PACRG: variants seen among roughly 807,000 people sequenced by gnomAD.
PACRG encodes the protein parkin coregulated, also known as parkin coregulated gene protein.
Under a neutral mutation model 29.7 loss-of-function variants are expected in PACRG, and 29 were observed. That is an observed-to-expected ratio of 0.98 (90% CI 0.73 to 1.33). The LOEUF (loss-of-function observed/expected upper bound fraction) is 1.33. Ranked by LOEUF, PACRG falls within the 40% of genes most tolerant of loss-of-function variation. The probability of loss-of-function intolerance (pLI) is 0.00; values close to 1 mark genes in which losing one functional copy is unlikely to be tolerated. For synonymous variants in PACRG, 116 were observed against 118.7 expected, an observed-to-expected ratio of 0.98 and a Z score of 0.15; for missense variants, 279 against 316.2, an observed-to-expected ratio of 0.88 and a Z score of 0.89.
chr6:163,238,382 T>G (rs901506511), intron 4 of PACRG, among the ~76,000 whole-genome samples: 10 of 152,230 alleles, frequency 6.6e-5, no homozygotes, highest in Non-Finnish European at 1.3e-4. Flanking sequence ...GCACTTCTTT[T>G]ATAAGGATAA....
chr6:163,142,875 A>G (rs1777607356), intron 4 of PACRG, among the ~76,000 whole-genome samples: 1 of 152,176 alleles, frequency 6.6e-6, no homozygotes, highest in Admixed American at 6.5e-5. Context: ...TCTACAAAAT[A>G]CCAGGCCAGT....
At chr6:162,966,677 C>A (rs761610812) in intron 2 of PACRG, among the ~76,000 whole-genome samples, 2 of 152,006 alleles carry the variant, frequency 1.3e-5, no homozygotes, top group African/African-American at 4.8e-5. Flanking sequence ...GAGGTTTCAC[C>A]GTGTTAGCCA....
intron 4 of PACRG, chr6:163,310,823 G>A (rs1403710486): frequency 1.3e-5 from 2 of 152,218 alleles, no homozygotes; most frequent in Non-Finnish European, 2.9e-5. Context: ...AAATGTAAAT[G>A]TGTCAGGTGC....
At chr6:162,998,993 A>G (rs1423826237) in intron 2 of PACRG, among the ~76,000 whole-genome samples, 1 of 152,184 alleles carries the variant, frequency 6.6e-6, no homozygotes, top group Non-Finnish European at 1.5e-5. Flanking sequence ...TCTGCAGGGC[A>G]TGGCCAGCAG....
chr6:162,966,502 A>C (rs1801035667), intron 2 of PACRG, among the ~76,000 whole-genome samples: 1 of 138,964 alleles, frequency 7.2e-6, no homozygotes, highest in Non-Finnish European at 1.5e-5. Context: ...TTTGAGGCGG[A>C]GTCTCACTCT....
chr6:163,126,212 A>T (rs934419790), intron 4 of PACRG, among the ~76,000 whole-genome samples: 1 of 152,210 alleles, frequency 6.6e-6, no homozygotes, highest in Non-Finnish European at 1.5e-5. Flanking sequence ...TGACGCTTTC[A>T]TTTATAAGAT....
intron 2 of PACRG, among the ~76,000 whole-genome samples, chr6:163,013,019 T>C (rs1805759414): frequency 6.6e-6 from 1 of 152,154 alleles, no homozygotes; most frequent in Non-Finnish European, 1.5e-5. Context: ...TCAGATGAAA[T>C]AATGCAAAAC....
chr6:162,818,897 G>T (rs1234538868), intron 2 of PACRG, among the ~76,000 whole-genome samples: 1 of 152,110 alleles, frequency 6.6e-6, no homozygotes, highest in Non-Finnish European at 1.5e-5. Flanking sequence ...AATCAGGATA[G>T]AATACCACCC....
At chr6:163,304,711 T>G (rs547890811) in intron 4 of PACRG, among the ~76,000 whole-genome samples, 2 of 152,184 alleles carry the variant, frequency 1.3e-5, no homozygotes, top group South Asian at 4.2e-4. Flanking sequence ...CATGGGGAAT[T>G]TAGGCATGAA....
At chr6:162,866,609 A>G (rs2128447910) in intron 2 of PACRG, among the ~76,000 whole-genome samples, 1 of 152,068 alleles carries the variant, frequency 6.6e-6, no homozygotes, top group South Asian at 2.1e-4. Context: ...TACCAAATAC[A>G]CAGAAGAAAA....
chr6:163,054,969 T>G (rs1478922676), intron 2 of PACRG, among the ~76,000 whole-genome samples: 1 of 151,960 alleles, frequency 6.6e-6, no homozygotes, highest in Non-Finnish European at 1.5e-5. Flanking sequence ...CCTGCCAGTG[T>G]TGGGGGTACA....
chr6:162,995,103 G>T (rs1283609621), intron 2 of PACRG, among the ~76,000 whole-genome samples: 1 of 151,084 alleles, frequency 6.6e-6, no homozygotes, highest in Non-Finnish European at 1.5e-5. Flanking sequence ...CCCGTTCTCA[G>T]ATCTCCAGCT....
chr6:163,074,302 A>G (rs964024895), intron 3 of PACRG, among the ~76,000 whole-genome samples: 2 of 152,194 alleles, frequency 1.3e-5, no homozygotes, highest in African/African-American at 4.8e-5. Flanking sequence ...TCATTATGTT[A>G]AGTGAAATAA....
intron 1 of PACRG, among the ~76,000 whole-genome samples, chr6:162,795,867 A>G (rs763325518): frequency 2.0e-5 from 3 of 152,128 alleles, no homozygotes; most frequent in Non-Finnish European, 2.9e-5. Flanking sequence ...TCTCTTATCA[A>G]TATCTCCTAA....
At chr6:162,896,893 G>A (rs1795209206) in intron 2 of PACRG, among the ~76,000 whole-genome samples, 1 of 152,234 alleles carries the variant, frequency 6.6e-6, no homozygotes, top group Admixed American at 6.5e-5. Flanking sequence ...ATTTTAAATA[G>A]AAGTAATGAA....
intron 1 of PACRG, among the ~76,000 whole-genome samples, chr6:162,801,682 T>C (rs1183801008): frequency 2.6e-5 from 4 of 152,150 alleles, no homozygotes; most frequent in African/African-American, 7.2e-5. Flanking sequence ...GATTTTTCAT[T>C]TGGACAAATG....
At chr6:162,855,248 C>T (rs1016439114) in intron 2 of PACRG, among the ~76,000 whole-genome samples, 9 of 152,084 alleles carry the variant, frequency 5.9e-5, no homozygotes, top group Non-Finnish European at 1.3e-4. Flanking sequence ...CACTTAGCAC[C>T]CTATCTGGCA....
intron 2 of PACRG, among the ~76,000 whole-genome samples, chr6:162,868,506 G>C (rs879426608): frequency 6.6e-6 from 1 of 152,168 alleles, no homozygotes; most frequent in Non-Finnish European, 1.5e-5. Context: ...GTTCCCCCTT[G>C]GGAGTTGTTC....
At chr6:163,112,170 C>A (rs1815750653) in intron 4 of PACRG, 1 of 388,530 alleles carries the variant, frequency 2.6e-6, no homozygotes, top group Non-Finnish European at 3.5e-6. Flanking sequence ...CAGAATCTGT[C>A]TGATGGAACT....
Sources: allele counts gnomAD v4.1 joint callset (sites outside exome capture counted in the v4.1 genomes callset), GRCh38; gene constraint gnomAD v4.1.1; transcripts MANE v1.5; gene names NCBI Gene and HGNC (gene_info 2026-07-23, HGNC 2026-07-21).